CRADD: variants seen among roughly 807,000 people sequenced by gnomAD.
The protein encoded by CRADD is death domain-containing protein CRADD.
A neutral mutation model predicts 15.5 loss-of-function variants in CRADD; 9 were observed. The ratio of observed to expected loss-of-function variants is 0.58; its 90% confidence interval spans 0.35 to 1.01. The LOEUF is 1.01. CRADD is among the 50% of genes least tolerant of loss of function. The pLI, the probability that CRADD is intolerant of heterozygous loss-of-function variation, is 0.02. For synonymous variants in CRADD, 118 were observed against 107.6 expected (o/e 1.10, Z -0.60); for missense variants, 227 against 250.3 (o/e 0.91, Z 0.63).
At chr12:93,829,803 A>G (rs1472169611) in intron 2 of CRADD, among the ~76,000 whole-genome samples, 1 of 152,006 alleles carries the variant, frequency 6.6e-6, no homozygotes, top group Admixed American at 6.6e-5. Context: ...AGCAATTCTC[A>G]TGCCTCAGGC....
At position 93,850,069 on chromosome 12, in the gene CRADD, C is replaced by T. The variant is rs753768440; in HGVS notation, c.398C>T (p.Pro133Leu). ...LAQRLGPEWE[P>L]MVLSLGLSQT... is the part of the protein sequence containing the mutation. The stretch of plus-strand genomic sequence containing the variant: ...CAGAGGCTGGGCCCTGAGTGGGAGC[C>T]CATGGTGCTGTCTCTGGGACTGTCC... Residue 133 changes from proline to leucine, a missense_variant, in exon 3 of 3, where the codon CCC becomes CTC. Physicochemically the swap from Pro to Leu is moderately conservative, Grantham distance 98 (BLOSUM62 -3). Coordinates refer to ENST00000332896, the MANE Select transcript of CRADD (RefSeq NM_003805.5). The surrounding 1 kb of genome is among the most constrained non-coding windows in gnomAD (Gnocchi z 4.0). 27 of 1,612,768 alleles carry T rather than the reference C, an allele frequency of 1.7e-5. No individual in the cohort carries two copies. The highest frequency in any genetic ancestry group is 1.7e-4 in the Middle Eastern group (1 of 6,060).
At chr12:93,782,759 T>C (rs1490730034) in intron 2 of CRADD, among the ~76,000 whole-genome samples, 1 of 152,186 alleles carries the variant, frequency 6.6e-6, no homozygotes. Flanking sequence ...GAATTACTGG[T>C]AATTTTATTG....
At chr12:93,793,058 T>C (rs1299344567) in intron 2 of CRADD, among the ~76,000 whole-genome samples, 1 of 152,182 alleles carries the variant, frequency 6.6e-6, no homozygotes, top group Non-Finnish European at 1.5e-5. Flanking sequence ...TTTAGCCAGA[T>C]AACCCACCAT....
At chr12:93,791,317 A>G (rs1957346692) in intron 2 of CRADD, among the ~76,000 whole-genome samples, 1 of 152,110 alleles carries the variant, frequency 6.6e-6, no homozygotes, top group Non-Finnish European at 1.5e-5. Flanking sequence ...GTGCATATAC[A>G]CACAATGGAA....
chr12:93,690,262 G>A (rs768302093), intron 2 of CRADD, among the ~76,000 whole-genome samples: 3 of 152,248 alleles, frequency 2.0e-5, no homozygotes, highest in African/African-American at 4.8e-5. Flanking sequence ...AAAAGAAAGA[G>A]TGAAAGCTGA....
intron 2 of CRADD, among the ~76,000 whole-genome samples, chr12:93,804,709 A>G (rs1957516962): frequency 1.3e-5 from 2 of 152,066 alleles, no homozygotes; most frequent in Admixed American, 6.6e-5. Context: ...CTTCCAATTT[A>G]CACCAAGCAA....
chr12:93,841,260 C>T (rs989107228), intron 2 of CRADD, among the ~76,000 whole-genome samples: 3 of 152,212 alleles, frequency 2.0e-5, no homozygotes, highest in Non-Finnish European at 4.4e-5. Flanking sequence ...CTTCTAAAAT[C>T]GTAACTGAAA....
intron 2 of CRADD, among the ~76,000 whole-genome samples, chr12:93,893,398 T>TAA (rs576685230): frequency 1.6e-4 from 24 of 146,302 alleles, no homozygotes; most frequent in African/African-American, 5.7e-4. Flanking sequence ...GGTGTTGATT[T>TAA]AAAAAAAAAA....
intron 2 of CRADD, among the ~76,000 whole-genome samples, chr12:93,686,980 T>A (rs74730228): frequency 6.6e-6 from 1 of 152,292 alleles, no homozygotes; most frequent in African/African-American, 2.4e-5. Context: ...GGAATGAGAT[T>A]TCACTAAAAT....
chr12:93,803,290 T>C (rs1333112035), intron 2 of CRADD, among the ~76,000 whole-genome samples: 4 of 152,188 alleles, frequency 2.6e-5, no homozygotes, highest in Admixed American at 1.3e-4. Flanking sequence ...ATGCTCTCTC[T>C]CTTTCATCTT....
chr12:93,753,711 C>G (rs529590901), intron 2 of CRADD, among the ~76,000 whole-genome samples: 1 of 152,270 alleles, frequency 6.6e-6, no homozygotes, highest in East Asian at 1.9e-4. Context: ...CCATGTCTCA[C>G]ATCCAGGTCC....
At chr12:93,680,948 G>C (rs994421640) in intron 2 of CRADD, among the ~76,000 whole-genome samples, 2 of 151,800 alleles carry the variant, frequency 1.3e-5, no homozygotes, top group Non-Finnish European at 2.9e-5. Context: ...GCAATGGCGC[G>C]ATCTCGGCTC....
At chr12:93,841,936 G>A (rs997402739) in intron 2 of CRADD, among the ~76,000 whole-genome samples, 10 of 151,998 alleles carry the variant, frequency 6.6e-5, no homozygotes, top group South Asian at 2.1e-4. Flanking sequence ...CAGACCCTCC[G>A]GAGGAATGTA....
chr12:93,888,502 CT>C (rs1229351677), intron 2 of CRADD, among the ~76,000 whole-genome samples: 3 of 151,502 alleles, frequency 2.0e-5, no homozygotes, highest in Non-Finnish European at 4.4e-5. Flanking sequence ...AGCATTAGGG[CT>C]TTATCCCAAC....
At chr12:93,744,796 A>G (rs1007765742) in intron 2 of CRADD, among the ~76,000 whole-genome samples, 1 of 152,218 alleles carries the variant, frequency 6.6e-6, no homozygotes, top group Non-Finnish European at 1.5e-5. Flanking sequence ...AACATTCACC[A>G]TAAGTAGTTG....
chr12:93,769,789 T>G (rs1957063654), intron 2 of CRADD, among the ~76,000 whole-genome samples: 2 of 152,232 alleles, frequency 1.3e-5, no homozygotes, highest in Non-Finnish European at 2.9e-5. Flanking sequence ...GTCTTTTGGG[T>G]GGGCATGTTG....
chr12:93,743,999 T>C (rs144476056), intron 2 of CRADD, among the ~76,000 whole-genome samples: 2 of 152,382 alleles, frequency 1.3e-5, no homozygotes, highest in East Asian at 3.9e-4. Context: ...AACAGACTCT[T>C]ATGTGCTCAT....
At chr12:93,747,746 G>A (rs1481626062) in intron 2 of CRADD, among the ~76,000 whole-genome samples, 5 of 152,114 alleles carry the variant, frequency 3.3e-5, no homozygotes, top group East Asian at 1.9e-4. Flanking sequence ...GATTACAGGC[G>A]TGAGCCACCA....
chr12:93,701,537 A>G (rs562082582), intron 2 of CRADD, among the ~76,000 whole-genome samples: 1 of 152,360 alleles, frequency 6.6e-6, no homozygotes, highest in Non-Finnish European at 1.5e-5. Context: ...AGGGAGACTC[A>G]GAGAGAGGAA....
Sources: gnomAD v4.1 joint callset for allele counts (sites outside exome capture counted in the v4.1 genomes callset) on GRCh38, gnomAD v4.1.1 for gene constraint, Gnocchi (gnomAD v3.1) non-coding constraint, MANE v1.5 for transcripts, NCBI Gene and HGNC (gene_info 2026-07-23, HGNC 2026-07-21) for gene names.